The following CSMD1 variants were observed in gnomAD, a reference collection of about 807,000 sequenced individuals.
The protein encoded by CSMD1 is CUB and sushi domain-containing protein 1.
In CSMD1, 213 loss-of-function variants were observed where a neutral mutation model predicts 417.5. The observed-to-expected ratio is 0.51, with a 90% CI of 0.46 to 0.57. The LOEUF is 0.57. Among genes scored for constraint, CSMD1 ranks in the 20% least tolerant of loss-of-function variants. The pLI, the probability that CSMD1 is intolerant of heterozygous loss-of-function variation, is 0.00. For synonymous variants in CSMD1, 2,862 were observed against 1,736.8 expected, an observed-to-expected ratio of 1.65 and a Z score of -16.11; for missense variants, 6,923 against 4,529.7, an observed-to-expected ratio of 1.53 and a Z score of -15.17.
At chr8:3,729,334 G>C (rs1360389531) in intron 6 of CSMD1, among the ~76,000 whole-genome samples, 3 of 152,198 alleles carry the variant, frequency 2.0e-5, no homozygotes, top group Admixed American at 2.0e-4. Context: ...GCTTCGGAGT[G>C]AGACTTTGCC....
At chr8:4,761,022 C>A (rs564611479) in intron 1 of CSMD1, among the ~76,000 whole-genome samples, 1 of 152,132 alleles carries the variant, frequency 6.6e-6, no homozygotes, top group Admixed American at 6.5e-5. Context: ...AGTTTGGTGT[C>A]AGAATACACA....
chr8:3,451,774 G>A (rs1234886883), intron 12 of CSMD1, among the ~76,000 whole-genome samples: 2 of 152,092 alleles, frequency 1.3e-5, no homozygotes, highest in Non-Finnish European at 2.9e-5. Flanking sequence ...TGTTCTTTTG[G>A]CTTAGGATTG....
chr8:3,308,978 C>T (rs187302462), intron 23 of CSMD1, among the ~76,000 whole-genome samples: 1 of 152,100 alleles, frequency 6.6e-6, no homozygotes, highest in Admixed American at 6.6e-5. Flanking sequence ...ACCCCCTCAG[C>T]CTCCCAAAGT....
chr8:3,795,563 C>CATGT (rs1461336445), intron 5 of CSMD1, among the ~76,000 whole-genome samples: 1 of 7,410 alleles, frequency 1.3e-4, no homozygotes, highest in African/African-American at 8.1e-4. Context: ...ATATATCTAT[C>CATGT]ATAGATATAG....
At chr8:3,710,334 C>T (rs913512142) in intron 6 of CSMD1, among the ~76,000 whole-genome samples, 1 of 152,132 alleles carries the variant, frequency 6.6e-6, no homozygotes, top group African/African-American at 2.4e-5. Context: ...ATACCCACGA[C>T]CAACTGGCTT....
At chr8:4,706,235 A>T (rs1257327485) in intron 1 of CSMD1, among the ~76,000 whole-genome samples, 1 of 151,930 alleles carries the variant, frequency 6.6e-6, no homozygotes, top group African/African-American at 2.4e-5. Flanking sequence ...TAATTGTTTG[A>T]AAGTCCCACA....
At chr8:4,391,866 G>C (rs923553986) in intron 3 of CSMD1, among the ~76,000 whole-genome samples, 3 of 152,206 alleles carry the variant, frequency 2.0e-5, no homozygotes, top group African/African-American at 7.2e-5. Context: ...TTCTCATCTG[G>C]GTATGTCCAC....
intron 18 of CSMD1, among the ~76,000 whole-genome samples, chr8:3,382,609 A>G (rs1439382473): frequency 7.8e-6 from 1 of 127,670 alleles, no homozygotes; most frequent in African/African-American, 2.7e-5. Flanking sequence ...TATAATATAT[A>G]ATAATAAATA....
chr8:3,439,993 A>G lies in CSMD1; in HGVS notation c.1561+28719T>C, dbSNP rs956455864. ...CTGTGGGTTTATTCCTGGGCTTTCT[A>G]TTCCATTCCATTAATCTCTGTGTCT... On this transcript the variant is annotated intron_variant, in intron 12 of 69. Coordinates refer to ENST00000635120, the MANE Select transcript of CSMD1 (RefSeq NM_033225.6). Among the ~76,000 whole-genome samples the G allele has an allele frequency of 3.9e-5, 6 of 152,220 alleles. 1 individual carries two copies. The highest frequency in any genetic ancestry group is 1.4e-4 in the African/African-American group (6 of 41,532).
At chr8:4,474,228 A>C (rs1276720749) in intron 2 of CSMD1, among the ~76,000 whole-genome samples, 1 of 152,206 alleles carries the variant, frequency 6.6e-6, no homozygotes, top group Non-Finnish European at 1.5e-5. Context: ...TGTTTATTAT[A>C]GGTATAACAC....
At chr8:3,182,582 G>C (rs1821409697) in intron 36 of CSMD1, among the ~76,000 whole-genome samples, 6 of 7,566 alleles carry the variant, frequency 7.9e-4, no homozygotes, top group East Asian at 6.1e-3. Flanking sequence ...AAGAAGCTGT[G>C]TGTGTGTGTG....
At chr8:3,595,197 T>G (rs983152829) in intron 8 of CSMD1, among the ~76,000 whole-genome samples, 1 of 152,156 alleles carries the variant, frequency 6.6e-6, no homozygotes, top group Admixed American at 6.5e-5. Context: ...ACGATCCTAA[T>G]AAGCAAGACC....
chr8:4,587,274 T>C (rs563727068), intron 2 of CSMD1, among the ~76,000 whole-genome samples: 1 of 152,284 alleles, frequency 6.6e-6, no homozygotes, highest in Admixed American at 6.5e-5. Context: ...AACTGATGCA[T>C]AGTTTGAAGA....
At position 3,711,301 on chromosome 8, in the gene CSMD1, G is replaced by A. The variant is rs578140753; in HGVS notation, c.932-2810C>T. Among the ~76,000 whole-genome samples, 20 of 152,274 alleles carry A rather than the reference G, an allele frequency of 1.3e-4. No homozygotes were observed. The East Asian group carries it at 3.3e-3, about 25-fold the overall frequency. On this transcript the variant is annotated intron_variant, in intron 6 of 69. Coordinates refer to ENST00000635120, the MANE Select transcript of CSMD1 (RefSeq NM_033225.6). ...CCATGAATAGACCACAGGGATCCTG[G>A]CATTGACTCTTGTGGAAGACGAGGA... is the stretch of plus-strand genomic sequence containing the variant.
intron 25 of CSMD1, among the ~76,000 whole-genome samples, chr8:3,291,728 T>C (rs1368574036): frequency 1.3e-5 from 2 of 152,224 alleles, no homozygotes; most frequent in African/African-American, 2.4e-5. Context: ...TTCTTCTTTA[T>C]TTGTCTTGCT....
chr8:4,395,576 CAAGAG>C (rs1203786150), intron 3 of CSMD1, among the ~76,000 whole-genome samples: 2 of 151,798 alleles, frequency 1.3e-5, no homozygotes, highest in Admixed American at 1.3e-4. Context: ...AAAGAAAGGC[CAAGAG>C]GAGGATAGAT....
intron 2 of CSMD1, among the ~76,000 whole-genome samples, chr8:4,545,497 C>T (rs1229277561): frequency 6.6e-6 from 1 of 152,038 alleles, no homozygotes; most frequent in South Asian, 2.1e-4. Flanking sequence ...TAAAAATAAA[C>T]TAGTGGGTAG....
intron 5 of CSMD1, among the ~76,000 whole-genome samples, chr8:3,813,814 A>G (rs574196905): frequency 2.6e-5 from 4 of 151,312 alleles, no homozygotes; most frequent in Admixed American, 1.3e-4. Context: ...TGAAAAACTT[A>G]AAGTATGTCT....
chr8:3,049,513 T>C (rs1220123750), intron 50 of CSMD1, among the ~76,000 whole-genome samples: 1 of 152,088 alleles, frequency 6.6e-6, no homozygotes, highest in Non-Finnish European at 1.5e-5. Context: ...TCCCAATATA[T>C]GACATTCTAG....
Sources: allele counts gnomAD v4.1 joint callset (sites outside exome capture counted in the v4.1 genomes callset), GRCh38; gene constraint gnomAD v4.1.1; transcripts MANE v1.5; gene names NCBI Gene and HGNC (gene_info 2026-07-23, HGNC 2026-07-21).